LINGO2: variants seen among roughly 807,000 people sequenced by gnomAD.
LINGO2 encodes the protein leucine-rich repeat and immunoglobulin-like domain-containing nogo receptor-interacting protein 2.
In LINGO2, 14 loss-of-function variants were observed where a neutral mutation model predicts 30.6. The ratio of observed to expected loss-of-function variants is 0.46; its 90% CI spans 0.30 to 0.72. LINGO2 has a LOEUF of 0.72. LINGO2 is among the 30% of genes least tolerant of loss of function. The pLI, the probability that LINGO2 is intolerant of heterozygous loss-of-function variation, is 0.07. For synonymous variants in LINGO2, 317 were observed against 288.5 expected, an observed-to-expected ratio of 1.10 and a Z score of -1.00; for missense variants, 729 against 751.7, an observed-to-expected ratio of 0.97 and a Z score of 0.35.
chr9:28,990,830 G>C, the LINGO2 span, among the ~76,000 whole-genome samples: 1 of 152,050 alleles, frequency 6.6e-6, no homozygotes, highest in Non-Finnish European at 1.5e-5. Context: ...AAAAAGAAAG[G>C]ACATCCACAC....
At chr9:29,196,976 T>C in the LINGO2 span, among the ~76,000 whole-genome samples, 6,939 of 152,144 alleles carry the variant, frequency 0.046, 237 homozygotes, top group Admixed American at 0.081. Flanking sequence ...CAACTGGCCA[T>C]AGAAATACCT....
At chr9:28,880,714 T>A in the LINGO2 span, among the ~76,000 whole-genome samples, 272 of 152,256 alleles carry the variant, frequency 1.8e-3, no homozygotes, top group Middle Eastern at 6.8e-3. Context: ...GGCCACTGTC[T>A]CCTGCCTGCC....
At chr9:28,627,837 T>A (rs1264937472) in intron 1 of LINGO2, among the ~76,000 whole-genome samples, 1 of 152,096 alleles carries the variant, frequency 6.6e-6, no homozygotes, top group Non-Finnish European at 1.5e-5. Flanking sequence ...GTAAAGATGA[T>A]AGTACAAGCT....
At chr9:28,138,656 G>A (rs1426314326) in intron 4 of LINGO2, among the ~76,000 whole-genome samples, 1 of 152,088 alleles carries the variant, frequency 6.6e-6, no homozygotes, top group East Asian at 1.9e-4. Flanking sequence ...TCCTTTTGTA[G>A]TGGAACTCTT....
chr9:29,173,847 T>C, the LINGO2 span, among the ~76,000 whole-genome samples: 2 of 152,044 alleles, frequency 1.3e-5, no homozygotes, highest in Non-Finnish European at 2.9e-5. Context: ...AGGCAAGAAG[T>C]AAAATAAAAT....
At chr9:28,798,760 C>T in the LINGO2 span, among the ~76,000 whole-genome samples, 3 of 152,022 alleles carry the variant, frequency 2.0e-5, no homozygotes, top group Admixed American at 2.0e-4. Context: ...CAGGTTTGTT[C>T]GCTTGCTTCC....
chr9:28,930,560 T>A, the LINGO2 span, among the ~76,000 whole-genome samples: 65 of 152,216 alleles, frequency 4.3e-4, no homozygotes, highest in African/African-American at 1.5e-3. The surrounding 1 kb of genome is among the most constrained non-coding windows in gnomAD (Gnocchi z 4.2). Context: ...CTGAATTATA[T>A]GATTTGACCC....
chr9:29,182,620 A>AT, the LINGO2 span, among the ~76,000 whole-genome samples: 1 of 152,080 alleles, frequency 6.6e-6, no homozygotes, highest in Admixed American at 6.6e-5. Context: ...GGGCCAACAG[A>AT]TTACTCTTTT....
intron 1 of LINGO2, among the ~76,000 whole-genome samples, chr9:28,575,153 C>T (rs1427614763): frequency 6.6e-6 from 1 of 152,062 alleles, no homozygotes; most frequent in Non-Finnish European, 1.5e-5. Context: ...CCTGTAATCC[C>T]AGCACTTTGG....
At chr9:28,594,821 A>G (rs1180821119) in intron 1 of LINGO2, among the ~76,000 whole-genome samples, 1 of 152,096 alleles carries the variant, frequency 6.6e-6, no homozygotes, top group Non-Finnish European at 1.5e-5. Flanking sequence ...TCCAAGAAAT[A>G]GATTCCAAGT....
chr9:28,398,520 C>G (rs754466097), intron 2 of LINGO2, among the ~76,000 whole-genome samples: 1 of 151,936 alleles, frequency 6.6e-6, no homozygotes, highest in African/African-American at 2.4e-5. Context: ...AATTTGTTAA[C>G]AGGGATTAAA....
At chr9:28,903,291 A>G in the LINGO2 span, among the ~76,000 whole-genome samples, 1 of 152,192 alleles carries the variant, frequency 6.6e-6, no homozygotes, top group Non-Finnish European at 1.5e-5. Context: ...ATAAATTTCT[A>G]GACATAAATT....
At chr9:28,858,366 A>G in the LINGO2 span, among the ~76,000 whole-genome samples, 1 of 152,036 alleles carries the variant, frequency 6.6e-6, no homozygotes, top group Non-Finnish European at 1.5e-5. Flanking sequence ...ATCACCCTGG[A>G]AGATTTTATA....
the LINGO2 span, among the ~76,000 whole-genome samples, chr9:28,869,610 A>ACT: frequency 6.6e-6 from 1 of 152,034 alleles, no homozygotes; most frequent in East Asian, 1.9e-4. Flanking sequence ...AGTGGTTTGA[A>ACT]CTGTGTGGTA....
the LINGO2 span, among the ~76,000 whole-genome samples, chr9:28,931,335 C>T: frequency 6.6e-6 from 1 of 152,306 alleles, no homozygotes; most frequent in East Asian, 1.9e-4. Flanking sequence ...TTTCACTTCC[C>T]TACAGACAGC....
the LINGO2 span, among the ~76,000 whole-genome samples, chr9:28,993,337 A>G: frequency 1.3e-5 from 2 of 152,218 alleles, no homozygotes; most frequent in East Asian, 1.9e-4. Flanking sequence ...ATCTCTGAAT[A>G]GACCAATAAC....
At chr9:28,236,146 T>C (rs1253771065) in intron 4 of LINGO2, among the ~76,000 whole-genome samples, 1 of 152,138 alleles carries the variant, frequency 6.6e-6, no homozygotes, top group Non-Finnish European at 1.5e-5. Flanking sequence ...GACGTTTCAG[T>C]GGAAACCTTA....
At chr9:28,708,318 T>G in the LINGO2 span, among the ~76,000 whole-genome samples, 1 of 152,116 alleles carries the variant, frequency 6.6e-6, no homozygotes, top group Non-Finnish European at 1.5e-5. Context: ...GTTAGGTATG[T>G]ATCATGTATA....
chr9:28,585,115 A>T (rs887305060), intron 1 of LINGO2, among the ~76,000 whole-genome samples: 1 of 152,044 alleles, frequency 6.6e-6, no homozygotes, highest in Non-Finnish European at 1.5e-5. Context: ...CGTAATTTAG[A>T]TACTCATAAT....
Sources: gnomAD v4.1 joint callset for allele counts (sites outside exome capture counted in the v4.1 genomes callset) on GRCh38, gnomAD v4.1.1 for gene constraint, Gnocchi (gnomAD v3.1) non-coding constraint, MANE v1.5 for transcripts, NCBI Gene and HGNC (gene_info 2026-07-23, HGNC 2026-07-21) for gene names.